The following HAUS4 variants were observed in gnomAD, a reference collection of about 807,000 sequenced individuals.
The protein encoded by HAUS4 is HAUS augmin like complex subunit 4.
Under a neutral mutation model 50.6 loss-of-function variants are expected in HAUS4, and 34 were observed. The observed-to-expected ratio is 0.67, with a 90% confidence interval of 0.51 to 0.90. The LOEUF (loss-of-function observed/expected upper bound fraction) is 0.90, where lower values mean the gene tolerates loss of function less well. Ranked by LOEUF, HAUS4 falls within the 40% of genes least tolerant of loss-of-function variation. The pLI, the probability that HAUS4 is intolerant of heterozygous loss-of-function variation, is 0.00. For missense variants in HAUS4, 370 were observed against 428.7 expected (o/e 0.86, Z 1.21); for synonymous variants, 149 against 161.4 (o/e 0.92, Z 0.58).
intron 8 of HAUS4, 43 bp downstream of exon 8, chr14:22,947,558 C>T (rs753808849): frequency 5.0e-6 from 8 of 1,606,864 alleles, no homozygotes; most frequent in Non-Finnish European, 6.8e-6. Flanking sequence ...GGGCTGATAA[C>T]GTGAGACAGA....
chr14:22,950,121 G>A (rs1368991753), intron 6 of HAUS4, among the ~76,000 whole-genome samples, 193 bp downstream of exon 6: 6 of 127,140 alleles, frequency 4.7e-5, no homozygotes, highest in African/African-American at 1.4e-4. Flanking sequence ...GGAGCAAAAC[G>A]CCATCTCAAA....
Position 22,950,391 on chromosome 14 carries a change from G to A in HAUS4, c.485C>T (p.Ala162Val). The A allele has an allele frequency of 6.2e-7, 1 of 1,611,496 alleles. No individual in the cohort carries two copies. The highest frequency in any genetic ancestry group is 8.5e-7 in the Non-Finnish European group (1 of 1,177,740). ...CTCCTCTACTTCTTGCTGTAGCCGA[G>A]CCCTCATCCACACAAAATCCTACAG... ...PLSEDFVWMR[A>V]RLQQEVEEQL... The change falls in exon 6 of 10, where the codon GCT becomes GTT. Residue 162 changes from alanine to valine, a missense_variant. Transcript: ENST00000541587.
chr14:22,951,701 A>G lies in HAUS4; in HGVS notation c.331-12T>C, dbSNP rs1183120878. ...AGGGTCTCATGAAACTGAGAGAGAG[A>G]GAATAAAAAACAAAAAGAGGCAACT... On this transcript the variant is annotated splice_polypyrimidine_tract_variant and intron_variant, in intron 4 of 9. Coordinates refer to ENST00000541587, the MANE Select transcript of HAUS4 (RefSeq NM_001166269.2). 6.3e-7 allele frequency: 1 copy of G among 1,581,544 alleles called. No homozygotes were observed. The highest frequency in any genetic ancestry group is 1.4e-5 in the African/African-American group (1 of 73,114).
chr14:22,951,203 C>T (rs10133986), intron 5 of HAUS4, among the ~76,000 whole-genome samples: 3,259 of 151,044 alleles, frequency 0.022, 130 homozygotes, highest in African/African-American at 0.074. Flanking sequence ...CGAGGTCTCA[C>T]TATGTTGCCC....
chr14:22,950,101 C>G (rs2044724003), intron 6 of HAUS4, among the ~76,000 whole-genome samples: 1 of 148,892 alleles, frequency 6.7e-6, no homozygotes, highest in Non-Finnish European at 1.5e-5. Flanking sequence ...GCACTCTAGC[C>G]TGGGCAACAG....
Position 22,952,588 on chromosome 14 carries a change from C to T in HAUS4, c.151G>A (p.Val51Met), listed in dbSNP as rs2044775222. The T allele has an allele frequency of 6.2e-7, 1 of 1,613,920 alleles. No individual in the cohort carries two copies. Among genetic ancestry groups the T allele is most frequent in the African/African-American group, 1.3e-5 (1 of 74,920 alleles). The change falls in exon 3 of 10, where the codon GTG becomes ATG. Residue 51 changes from valine to methionine, a missense_variant. Val to Met is a conservative substitution (Grantham distance 21). Coordinates refer to ENST00000541587, the MANE Select transcript of HAUS4 (RefSeq NM_001166269.2). ...SKLLLNLSQH[V>M]DESGLSLTLA... Reference sequence around the variant, plus strand: ...GTGAGGCTTAAGCCACTCTCATCCACATGCTGTGAGAGATTCAGGAGAAGC... The same window carrying T: ...GTGAGGCTTAAGCCACTCTCATCCATATGCTGTGAGAGATTCAGGAGAAGC...
At chr14:22,955,801 T>A (rs2044851812) in intron 1 of HAUS4, among the ~76,000 whole-genome samples, 1 of 151,890 alleles carries the variant, frequency 6.6e-6, no homozygotes, top group African/African-American at 2.4e-5. Context: ...AGACTGACAG[T>A]GAGGTCAGTG....
At chr14:22,952,142 C>T (rs189345279) in intron 4 of HAUS4, among the ~76,000 whole-genome samples, 186 bp downstream of exon 4, 279 of 152,248 alleles carry the variant, frequency 1.8e-3, no homozygotes, top group Non-Finnish European at 3.0e-3. Flanking sequence ...CTCAGCCTCC[C>T]GAGTAGCTGG....
chr14:22,953,594 C>T lies in HAUS4; in HGVS notation c.56-911G>A, dbSNP rs537396791. 2.6e-5 allele frequency among the ~76,000 whole-genome samples: 4 copies of T among 151,302 alleles called. No homozygotes were observed. In the South Asian group the frequency reaches 8.4e-4, roughly 32 times the overall value. ...CCGAGTAGCTGGGATTACAGGCATG[C>T]GCCACCATGCCTGGCTAATATTTTT... On this transcript the variant is annotated intron_variant, in intron 2 of 9. Transcript: ENST00000541587.
intron 2 of HAUS4, among the ~76,000 whole-genome samples, chr14:22,952,960 A>C (rs1459883177): frequency 6.6e-6 from 1 of 152,224 alleles, no homozygotes; most frequent in East Asian, 1.9e-4. Flanking sequence ...GACAAATAGA[A>C]TAAAAATTAA....
intron 7 of HAUS4, 58 bp downstream of exon 7, chr14:22,947,810 C>A (rs1470393305): frequency 6.0e-5 from 96 of 1,610,294 alleles, no homozygotes; most frequent in Non-Finnish European, 3.4e-6. Flanking sequence ...TTTGTCTTCC[C>A]CAAAAGTGCT....
chr14:22,952,617 C>A lies in HAUS4; in HGVS notation c.122G>T (p.Ser41Ile). 1 of 1,613,884 alleles carries A rather than the reference C, an allele frequency of 6.2e-7. No homozygotes were observed. Among genetic ancestry groups the A allele is most frequent in the Non-Finnish European group, 8.5e-7 (1 of 1,179,882 alleles). Residue 41 changes from serine to isoleucine, a missense_variant, in exon 3 of 10, where the codon AGC becomes ATC. Transcript: ENST00000541587. ...KEDLLQNPYF[S>I]KLLLNLSQHV... is the part of the protein sequence containing the mutation. ...CTGTGAGAGATTCAGGAGAAGCTTGCTGAAGTATGGGTTCTGTAACAGGTC... is the reference window on the plus strand; with the variant it reads ...CTGTGAGAGATTCAGGAGAAGCTTGATGAAGTATGGGTTCTGTAACAGGTC...
chr14:22,952,087 G>A (rs1031762064), intron 4 of HAUS4, among the ~76,000 whole-genome samples: 4 of 152,178 alleles, frequency 2.6e-5, no homozygotes, highest in East Asian at 1.9e-4. Context: ...GCGCAATCTC[G>A]GCTCACTGCA....
chr14:22,948,174 C>G, intron 6 of HAUS4, 161 bp from the exon 7 acceptor site: 1 of 743,144 alleles, frequency 1.3e-6, no homozygotes, highest in South Asian at 2.1e-5. Context: ...CTGGGCTGAG[C>G]ATGGTGGCTT....
chr14:22,955,663 GTTTTTT>G (rs61060692), intron 1 of HAUS4: 1 of 143,838 alleles, frequency 7.0e-6, no homozygotes, highest in Non-Finnish European at 1.5e-5. Flanking sequence ...TCTGTTGGTA[GTTTTTT>G]TTTTTTTTAT....
At chr14:22,953,690 G>A (rs531474471) in intron 2 of HAUS4, among the ~76,000 whole-genome samples, 7 of 151,426 alleles carry the variant, frequency 4.6e-5, no homozygotes, top group East Asian at 3.9e-4. Context: ...GCACGATCTC[G>A]GCTCACTGCA....
intron 4 of HAUS4, 84 bp from the exon 5 acceptor site, chr14:22,951,773 T>C (rs1594545765): frequency 7.7e-7 from 1 of 1,291,868 alleles, no homozygotes; most frequent in East Asian, 2.3e-5. Context: ...GAACCAGTTT[T>C]TCACATATTT....
chr14:22,946,488 G>C lies in HAUS4; in HGVS notation c.*37C>G. 1.3e-6 allele frequency: 2 copies of C among 1,549,462 alleles called. No individual in the cohort carries two copies. The highest frequency in any genetic ancestry group is 1.8e-6 in the Non-Finnish European group (2 of 1,134,558). On this transcript the variant is annotated 3_prime_UTR_variant, in exon 10 of 10. Transcript: ENST00000541587. The stretch of plus-strand genomic sequence containing the variant: ...CTAGCAGGAAGATTAGGAGGCAGCA[G>C]CTATGCAGAAGCCATGTCTCCTGGC...
At chr14:22,955,067 A>G in intron 2 of HAUS4, 33 bp downstream of exon 2, 1 of 1,509,692 alleles carries the variant, frequency 6.6e-7, no homozygotes, top group Non-Finnish European at 9.2e-7. Context: ...CTCTGGATAA[A>G]TCATCAAACC....
Sources: allele counts gnomAD v4.1 joint callset (sites outside exome capture counted in the v4.1 genomes callset), GRCh38; gene constraint gnomAD v4.1.1; transcripts MANE v1.5; gene names NCBI Gene and HGNC (gene_info 2026-07-23, HGNC 2026-07-21).